Variants in SPTLC3 observed in about 807,000 individuals in gnomAD.
SPTLC3 encodes serine palmitoyltransferase 3.
In SPTLC3, 36 loss-of-function variants were observed where a neutral mutation model predicts 59.3. The ratio of observed to expected loss-of-function variants is 0.61; its 90% confidence interval spans 0.47 to 0.80. SPTLC3 has a LOEUF of 0.80. SPTLC3 is among the 30% of genes least tolerant of loss of function. The pLI is 0.00. For missense variants in SPTLC3, 625 were observed against 685.1 expected, an observed-to-expected ratio of 0.91 and a Z score of 0.98; for synonymous variants, 257 against 240.8, an observed-to-expected ratio of 1.07 and a Z score of -0.62.
At chr20:13,163,806 C>T (rs1366877930) in intron 11 of SPTLC3, among the ~76,000 whole-genome samples, 1 of 152,172 alleles carries the variant, frequency 6.6e-6, no homozygotes, top group African/African-American at 2.4e-5. Context: ...TCTTCCTCCT[C>T]ATTTGGCAGG....
chr20:13,131,671 ACTCT>A (rs923172925), intron 9 of SPTLC3, among the ~76,000 whole-genome samples: 6 of 151,396 alleles, frequency 4.0e-5, no homozygotes, highest in African/African-American at 1.2e-4. Flanking sequence ...CACAGCCAAC[ACTCT>A]CTCTATCACC....
At chr20:13,093,082 C>T (rs901067182) in intron 5 of SPTLC3, among the ~76,000 whole-genome samples, 3 of 152,104 alleles carry the variant, frequency 2.0e-5, no homozygotes, top group Non-Finnish European at 4.4e-5. Context: ...AAGACCCTTG[C>T]CTTTCAGGAA....
intron 1 of SPTLC3, among the ~76,000 whole-genome samples, chr20:13,025,651 C>T (rs1231570761): frequency 6.6e-6 from 1 of 152,136 alleles, no homozygotes. Flanking sequence ...GCCTTATGTC[C>T]CTCTCTGCCC....
At chr20:13,050,404 T>C (rs1987433961) in intron 2 of SPTLC3, 1 of 151,890 alleles carries the variant, frequency 6.6e-6, no homozygotes, top group Non-Finnish European at 1.5e-5. Context: ...AATAAGAAAA[T>C]ATGAACAAAG....
At position 13,117,559 on chromosome 20, in the gene SPTLC3, A is replaced by T; in HGVS notation, c.986A>T (p.Tyr329Phe). The T allele has an allele frequency of 6.2e-7, 1 of 1,612,536 alleles. No homozygotes were observed. Among genetic ancestry groups the T allele is most frequent in the Non-Finnish European group, 8.5e-7 (1 of 1,179,458 alleles). ...LPQIIALKKK[Y>F]KAYLYIDEAH... ...CAGATCATAGCTCTAAAGAAGAAAT[A>T]CAAGGCTTACCTCTACATAGATGAA... Residue 329 changes from tyrosine (Y) to phenylalanine (F), a missense_variant, in exon 8 of 12, where the codon TAC becomes TTC. Transcript: ENST00000399002.
chr20:13,013,028 G>T (rs1441421431), intron 1 of SPTLC3, among the ~76,000 whole-genome samples: 1 of 152,214 alleles, frequency 6.6e-6, no homozygotes, highest in Non-Finnish European at 1.5e-5. Flanking sequence ...ATTCCAGGAA[G>T]CTGTGAGGCA....
intron 1 of SPTLC3, among the ~76,000 whole-genome samples, chr20:13,043,741 C>G (rs1042156435): frequency 2.0e-5 from 3 of 152,088 alleles, no homozygotes; most frequent in African/African-American, 7.2e-5. Context: ...ATAAGCAACT[C>G]CCCTCACTAT....
At chr20:13,039,444 G>A (rs1202619035) in intron 1 of SPTLC3, among the ~76,000 whole-genome samples, 2 of 151,782 alleles carry the variant, frequency 1.3e-5, no homozygotes, top group African/African-American at 2.4e-5. Context: ...CTTTCTTACG[G>A]GTGCTGTTTT....
At chr20:13,105,551 C>A (rs6109710) in intron 6 of SPTLC3, among the ~76,000 whole-genome samples, 49,412 of 152,060 alleles carry the variant, frequency 0.32, 10,097 homozygotes, top group African/African-American at 0.58. Context: ...TTTTAAAATT[C>A]TGGATTAATC....
chr20:13,103,319 T>G (rs1989687907), intron 6 of SPTLC3, among the ~76,000 whole-genome samples: 1 of 152,228 alleles, frequency 6.6e-6, no homozygotes, highest in South Asian at 2.1e-4. Context: ...AATTTCTTTG[T>G]CATCATTCAT....
At chr20:13,089,556 C>T (rs7262736) in intron 4 of SPTLC3, among the ~76,000 whole-genome samples, 40,967 of 151,776 alleles carry the variant, frequency 0.27, 5,704 homozygotes, top group Middle Eastern at 0.35. Context: ...GAGGCCACAG[C>T]GGGTGGATTG....
chr20:13,146,523 T>C (rs2038513911), intron 9 of SPTLC3, among the ~76,000 whole-genome samples: 1 of 152,246 alleles, frequency 6.6e-6, no homozygotes, highest in African/African-American at 2.4e-5. Context: ...ACATAATTAA[T>C]GGCTTGCTAA....
chr20:13,009,196 C>A lies in SPTLC3; in HGVS notation c.-72C>A, dbSNP rs1012779232. 1 of 1,244,266 alleles carries A rather than the reference C, an allele frequency of 8.0e-7. No individual in the cohort carries two copies. The allele number at this position is 1,244,266 out of a possible 1,614,324, so 77.1% of individuals were successfully genotyped here. On this transcript the variant is annotated 5_prime_UTR_variant, in exon 1 of 12. Transcript: ENST00000399002. ...CCCAAAGAGCTTTATCCCATCCCCT[C>A]GCAGACTGAAAACTAAAGCCTGCAG... is the stretch of plus-strand genomic sequence containing the variant.
chr20:13,147,993 C>A (rs2038554854), intron 9 of SPTLC3, among the ~76,000 whole-genome samples: 1 of 152,144 alleles, frequency 6.6e-6, no homozygotes, highest in South Asian at 2.1e-4. Flanking sequence ...ACTCGTCAAC[C>A]CCATCTCTTT....
intron 7 of SPTLC3, among the ~76,000 whole-genome samples, chr20:13,115,889 C>CGTG (rs1173413422): frequency 1.3e-5 from 2 of 152,186 alleles, no homozygotes; most frequent in African/African-American, 4.8e-5. Context: ...AAGCAGAGAA[C>CGTG]ATCACGCAAA....
intron 6 of SPTLC3, among the ~76,000 whole-genome samples, chr20:13,098,522 T>G (rs1297283825): frequency 6.6e-6 from 1 of 152,200 alleles, no homozygotes; most frequent in Non-Finnish European, 1.5e-5. Context: ...AACTTTTTGC[T>G]GAAATTACAA....
At chr20:13,058,964 G>A (rs574816075) in intron 2 of SPTLC3, among the ~76,000 whole-genome samples, 1 of 152,188 alleles carries the variant, frequency 6.6e-6, no homozygotes, top group South Asian at 2.1e-4. Flanking sequence ...AGAACCAACC[G>A]TCAACACAAA....
chr20:13,143,399 C>A (rs2038431639), intron 9 of SPTLC3, among the ~76,000 whole-genome samples: 1 of 152,204 alleles, frequency 6.6e-6, no homozygotes, highest in Non-Finnish European at 1.5e-5. Context: ...ACCCTACTAA[C>A]TGCTTAATAT....
In SPTLC3 at chr20:13,074,436, G is replaced by C; in HGVS notation, c.546G>C (p.Arg182Ser). 2 of 1,614,048 alleles carry C rather than the reference G, an allele frequency of 1.2e-6. No homozygotes were observed. The highest frequency in any genetic ancestry group is 8.5e-7 in the Non-Finnish European group (1 of 1,179,970). ...GLAAKYDESMRTIKDVLEVYG... is the reference protein window; with the variant it reads ...GLAAKYDESMSTIKDVLEVYG... Reference sequence around the variant, plus strand: ...CAGCCAAGTATGATGAGTCTATGAGGACAATAAAGGATGTTTTAGAGGTGT... The same window carrying C: ...CAGCCAAGTATGATGAGTCTATGAGCACAATAAAGGATGTTTTAGAGGTGT... The change falls in exon 4 of 12, where the codon AGG becomes AGC. Residue 182 changes from arginine (R) to serine (S), a missense_variant. Arg to Ser is a moderately radical substitution (Grantham distance 110). Transcript: ENST00000399002.
Sources: allele counts gnomAD v4.1 joint callset (sites outside exome capture counted in the v4.1 genomes callset), GRCh38; gene constraint gnomAD v4.1.1; transcripts MANE v1.5; gene names NCBI Gene and HGNC (gene_info 2026-07-23, HGNC 2026-07-21).